ADH5: variants seen among roughly 807,000 people sequenced by gnomAD.
The protein encoded by ADH5 is alcohol dehydrogenase 5 (class III), chi polypeptide.
ADH5 carries 32 observed loss-of-function variants against 40.3 expected under a neutral mutation model. That is an observed-to-expected ratio of 0.79 (90% CI 0.60 to 1.07). The LOEUF is 1.07. Among genes scored for constraint, ADH5 ranks in the 50% least tolerant of loss-of-function variants. The pLI, the probability that ADH5 is intolerant of heterozygous loss-of-function variation, is 0.00. For missense variants in ADH5, 353 were observed against 460.5 expected (o/e 0.77, Z 2.14); for synonymous variants, 125 against 154.3 (o/e 0.81, Z 1.41).
intron 3 of ADH5, 169 bp from the exon 4 acceptor site, chr4:99,081,621 G>GT: frequency 1.7e-6 from 1 of 587,314 alleles, no homozygotes; most frequent in South Asian, 2.5e-5. Context: ...CATGCAAAAA[G>GT]TATGTTTCAA....
At chr4:99,076,951 G>C in intron 4 of ADH5, 28 bp from the exon 5 acceptor site, 1 of 1,530,440 alleles carries the variant, frequency 6.5e-7, no homozygotes, top group Non-Finnish European at 8.9e-7. Flanking sequence ...AAAAAGGCAA[G>C]TTGGAATTAG....
intron 1 of ADH5, among the ~76,000 whole-genome samples, chr4:99,087,521 C>G (rs1728170630): frequency 6.6e-6 from 1 of 152,002 alleles, no homozygotes; most frequent in Admixed American, 6.6e-5. Context: ...GCATTAGAAC[C>G]TTTTTCATTT....
rs1264617142 is a variant in ADH5 at position 99,075,117 on chromosome 4, A to C, written c.826-68T>G. 3 of 1,373,786 alleles carry C rather than the reference A, an allele frequency of 2.2e-6. No homozygotes were observed. The African/African-American group carries it at 4.4e-5, about 20-fold the overall frequency. 85.1% of individuals were successfully genotyped at this position (1,373,786 alleles called of 1,614,324 possible). On this transcript the variant is annotated intron_variant, in intron 6 of 8. Coordinates refer to ENST00000296412, the MANE Select transcript of ADH5 (RefSeq NM_000671.4). ...TTTTCCTGAGAACAACTGCTGGCGA[A>C]ACTTCTAGAGATGGCATAGTTTTTA...
At chr4:99,077,431 G>A (rs1018265806) in intron 4 of ADH5, among the ~76,000 whole-genome samples, 8 of 152,130 alleles carry the variant, frequency 5.3e-5, no homozygotes, top group Non-Finnish European at 1.5e-5. Context: ...GGAGTTTGAG[G>A]CTGCAGTGAG....
intron 4 of ADH5, 147 bp downstream of exon 4, chr4:99,081,218 G>C: frequency 1.1e-5 from 5 of 448,902 alleles, no homozygotes; most frequent in Non-Finnish European, 2.1e-5. Flanking sequence ...TTGACTCTTT[G>C]TTCGGGACTC....
rs183645664 is a variant in ADH5 at position 99,081,907 on chromosome 4, C to T, written c.256+68G>A. On this transcript the variant is annotated intron_variant, in intron 3 of 8. Transcript: ENST00000296412. ...ATTCATAAATAGTGGGTAGTTTTATCAGAAAAACAATTTCCCCATAGGAAT... is the reference window on the plus strand; with the variant it reads ...ATTCATAAATAGTGGGTAGTTTTATTAGAAAAACAATTTCCCCATAGGAAT... 13 of 1,549,156 alleles carry T rather than the reference C, an allele frequency of 8.4e-6. No individual in the cohort carries two copies. In the East Asian group the frequency reaches 2.9e-4, roughly 35 times the overall value.
intron 7 of ADH5, among the ~76,000 whole-genome samples, 200 bp downstream of exon 7, chr4:99,074,714 C>T (rs1727890248): frequency 6.6e-6 from 1 of 152,052 alleles, no homozygotes; most frequent in Non-Finnish European, 1.5e-5. Context: ...TGAGCACCAC[C>T]CTCCCCCCCA....
rs1321914652 is a variant in ADH5, at chr4:99,072,158, T to C, written c.*259A>G. 2 of 395,742 alleles carry C rather than the reference T, an allele frequency of 5.1e-6. No individual in the cohort carries two copies. The highest frequency in any genetic ancestry group is 9.0e-6 in the Non-Finnish European group (2 of 221,070). 24.5% of individuals were successfully genotyped at this position (395,742 alleles called of 1,614,324 possible). ...TAAAACAAGACAATTTCCACACAAATGTAGAAATTACTTTTATTATGTTAA... is the reference window on the plus strand; with the variant it reads ...TAAAACAAGACAATTTCCACACAAACGTAGAAATTACTTTTATTATGTTAA... On this transcript the variant is annotated 3_prime_UTR_variant, in exon 9 of 9. Coordinates refer to ENST00000296412, the MANE Select transcript of ADH5 (RefSeq NM_000671.4).
chr4:99,076,366 G>A lies in ADH5; in HGVS notation c.751C>T (p.Gln251Ter). ...TCGGTCATCTCAATGAGCACTTCCTGGATGGGTTTACTAAAATCCTGAGGG... is the reference window on the plus strand; with the variant it reads ...TCGGTCATCTCAATGAGCACTTCCTAGATGGGTTTACTAAAATCCTGAGGG... ...INPQDFSKPI[Q>*]EVLIEMTDGG... The change falls in exon 6 of 9, where the codon CAG becomes TAG. Residue 251 changes from glutamine (Q) to a stop codon, truncating the protein, a stop_gained. Coordinates refer to ENST00000296412, the MANE Select transcript of ADH5 (RefSeq NM_000671.4). LOFTEE classifies it high-confidence loss of function. 6.2e-7 allele frequency: 1 copy of A among 1,614,128 alleles called. No individual in the cohort carries two copies. Among genetic ancestry groups the A allele is most frequent in the South Asian group, 1.1e-5 (1 of 91,076 alleles).
intron 6 of ADH5, chr4:99,075,375 C>T (rs1160248810): frequency 5.6e-5 from 9 of 161,092 alleles, no homozygotes; most frequent in Admixed American, 1.3e-4. Flanking sequence ...GCGTGCGCCA[C>T]GACACCCAGC....
chr4:99,075,434 C>G (rs574415732), intron 6 of ADH5: 1 of 153,030 alleles, frequency 6.5e-6, no homozygotes, highest in Admixed American at 6.5e-5. Flanking sequence ...GTTGCCCTGG[C>G]TGGCCTCAAG....
At chr4:99,079,420 A>G (rs1277210169) in intron 4 of ADH5, among the ~76,000 whole-genome samples, 2 of 49,412 alleles carry the variant, frequency 4.0e-5, no homozygotes, top group Non-Finnish European at 7.4e-5. Flanking sequence ...TATTTATACA[A>G]GGTCACAGTG....
intron 4 of ADH5, among the ~76,000 whole-genome samples, chr4:99,079,059 C>CAT (rs1481635631): frequency 6.6e-6 from 1 of 152,150 alleles, no homozygotes; most frequent in Non-Finnish European, 1.5e-5. Flanking sequence ...ATGGATCTCC[C>CAT]ATACAATGCT....
chr4:99,073,593 A>G (rs1421914495), intron 7 of ADH5, among the ~76,000 whole-genome samples: 1 of 152,240 alleles, frequency 6.6e-6, no homozygotes, highest in African/African-American at 2.4e-5. Context: ...CGATATTTCA[A>G]ACCTCTTTTG....
At chr4:99,085,534 G>C (rs1728118739) in intron 1 of ADH5, 1 of 304,756 alleles carries the variant, frequency 3.3e-6, no homozygotes, top group Non-Finnish European at 6.5e-6. Context: ...ATCTGATTCA[G>C]CAGGTCTGGC....
At position 99,085,136 on chromosome 4, in the gene ADH5, CT is replaced by C; in HGVS notation, c.92del (p.Lys31ArgfsTer22). The C allele has an allele frequency of 6.5e-7, 1 of 1,532,674 alleles. No individual in the cohort carries two copies. The highest frequency in any genetic ancestry group is 8.8e-7 in the Non-Finnish European group (1 of 1,138,482). The allele number at this position is 1,532,674 out of a possible 1,614,324, so 94.9% of individuals were successfully genotyped here. A position where few individuals can be genotyped will look rare whatever the true frequency, so the allele number is the denominator to read the frequency against. The stretch of plus-strand genomic sequence containing the variant: ...TTACCTTGATTCGAACTTCATGAGC[CT>C]TTGGGGGTGCCACCTCTATCTCCTC... Reference protein sequence around the residue: ...SIEEIEVAPPKAHEVRIKIIA... With the variant: ...SIEEIEVAPPXAHEVRIKIIA... On this transcript the variant is annotated frameshift_variant, in exon 2 of 9. Coordinates refer to ENST00000296412, the MANE Select transcript of ADH5 (RefSeq NM_000671.4). LOFTEE classifies it high-confidence loss of function.
rs771132827 is a variant in ADH5 at position 99,076,507 on chromosome 4, C to T, written c.610G>A (p.Gly204Arg). The T allele has an allele frequency of 6.2e-6, 10 of 1,614,088 alleles. No homozygotes were observed. Among genetic ancestry groups the T allele is most frequent in the Admixed American group, 1.7e-5 (1 of 60,020 alleles). ...VCAVFGLGGV[G>R]LAVIMGCKVA... Reference sequence around the variant, plus strand: ...TTACAGCCCATGATAACTGCCAATCCGACTCCTCCCAGACCAAAGACGGCA... The same window carrying T: ...TTACAGCCCATGATAACTGCCAATCTGACTCCTCCCAGACCAAAGACGGCA... The change falls in exon 6 of 9, where the codon GGA becomes AGA. Residue 204 changes from glycine (G) to arginine (R), a missense_variant. Transcript: ENST00000296412.
At position 99,082,126 on chromosome 4, in the gene ADH5, C is replaced by G; in HGVS notation, c.115-10G>C. On this transcript the variant is annotated splice_polypyrimidine_tract_variant and intron_variant, in intron 2 of 8. Coordinates refer to ENST00000296412, the MANE Select transcript of ADH5 (RefSeq NM_000671.4). ...CCGCAGTGGCAATGATCTATCAGGA[C>G]ATTAAAACAACGAATGTGTAAGTAT... 1 of 1,612,502 alleles carries G rather than the reference C, an allele frequency of 6.2e-7. No homozygotes were observed. The highest frequency in any genetic ancestry group is 8.5e-7 in the Non-Finnish European group (1 of 1,179,000).
chr4:99,073,396 T>G (rs1286469098), intron 7 of ADH5, among the ~76,000 whole-genome samples: 1 of 152,210 alleles, frequency 6.6e-6, no homozygotes, highest in Middle Eastern at 3.2e-3. Flanking sequence ...CCCAGGATGG[T>G]CTCGATCTCC....
Sources: gnomAD v4.1 joint callset for allele counts (sites outside exome capture counted in the v4.1 genomes callset) on GRCh38, gnomAD v4.1.1 for gene constraint, MANE v1.5 for transcripts, NCBI Gene and HGNC (gene_info 2026-07-23, HGNC 2026-07-21) for gene names.